CHD6: variants seen among roughly 807,000 people sequenced by gnomAD.
CHD6 encodes the protein chromodomain helicase DNA binding protein 6, also known as ATP-dependent chromatin remodeler CHD6.
CHD6 carries 50 observed loss-of-function variants against 276.9 expected under a neutral mutation model. The ratio of observed to expected loss-of-function variants is 0.18; its 90% CI spans 0.14 to 0.23. The LOEUF (loss-of-function observed/expected upper bound fraction) is 0.23, where lower values mean the gene tolerates loss of function less well. CHD6 is among the 10% of genes least tolerant of loss of function. The pLI is 1.00. For synonymous variants in CHD6, 1,173 were observed against 1,229.3 expected, an observed-to-expected ratio of 0.95 and a Z score of 0.96; for missense variants, 2,564 against 3,365.8, an observed-to-expected ratio of 0.76 and a Z score of 5.89.
chr20:41,447,773 G>GT, intron 24 of CHD6, 109 bp downstream of exon 24: 1 of 673,602 alleles, frequency 1.5e-6, no homozygotes, highest in Admixed American at 2.5e-5. Flanking sequence ...TGGGCAGGGG[G>GT]TAGGAGGAAC....
intron 3 of CHD6, among the ~76,000 whole-genome samples, chr20:41,528,958 G>T (rs1439547034): frequency 6.6e-6 from 1 of 152,138 alleles, no homozygotes; most frequent in Non-Finnish European, 1.5e-5. Context: ...ATAGAAGAGG[G>T]ACCATTTCCT....
chr20:41,549,481 C>T (rs1323214068), intron 2 of CHD6, among the ~76,000 whole-genome samples: 11 of 107,486 alleles, frequency 1.0e-4, no homozygotes, highest in African/African-American at 3.4e-4. Context: ...CATCACACTC[C>T]GGAGACTGTT....
At chr20:41,524,386 G>A (rs531973273) in intron 3 of CHD6, among the ~76,000 whole-genome samples, 2 of 152,198 alleles carry the variant, frequency 1.3e-5, no homozygotes, top group African/African-American at 2.4e-5. Context: ...CCCTTTAACC[G>A]TATCATCAAC....
Position 41,454,646 on chromosome 20 carries a change from T to C in CHD6, c.3100A>G (p.Thr1034Ala). ...TGTACCTTTTCATTCTTTGCTTCAGTGTCTAGTTCAGCTATTTTAGCCCAT... is the reference window on the plus strand; with the variant it reads ...TGTACCTTTTCATTCTTTGCTTCAGCGTCTAGTTCAGCTATTTTAGCCCAT... ...QKWAKIAELD[T>A]EAKNEKESLV... The change falls in exon 20 of 37, where the codon ACT becomes GCT. Residue 1034 changes from threonine (T) to alanine (A), a missense_variant. Thr to Ala is a moderately conservative substitution (Grantham distance 58). Transcript: ENST00000373233. 6.2e-7 allele frequency: 1 copy of C among 1,612,846 alleles called. No homozygotes were observed. The highest frequency in any genetic ancestry group is 8.5e-7 in the Non-Finnish European group (1 of 1,179,226).
At chr20:41,483,553 C>G (rs530203077) in intron 15 of CHD6, 34 bp from the exon 16 acceptor site, 102 of 1,474,570 alleles carry the variant, frequency 6.9e-5, no homozygotes, top group Non-Finnish European at 9.0e-5. Context: ...ATTCCTCGGA[C>G]AGAATATAAG....
At chr20:41,482,565 A>C (rs1429082727) in intron 16 of CHD6, 1 of 512,394 alleles carries the variant, frequency 2.0e-6, no homozygotes, top group South Asian at 1.4e-5. Context: ...AGCAATGCCT[A>C]GGCTACCAGT....
intron 25 of CHD6, among the ~76,000 whole-genome samples, chr20:41,441,678 G>C (rs1054284738): frequency 2.6e-5 from 4 of 151,632 alleles, no homozygotes; most frequent in Admixed American, 6.6e-5. Flanking sequence ...GACAGATTCA[G>C]TATTTTTATT....
At chr20:41,440,578 T>A (rs887902396) in intron 25 of CHD6, among the ~76,000 whole-genome samples, 3 of 152,208 alleles carry the variant, frequency 2.0e-5, no homozygotes, top group Admixed American at 1.3e-4. Flanking sequence ...GATGATTGTT[T>A]ATTGCATTAA....
At chr20:41,483,077 A>G (rs1480158061) in intron 16 of CHD6, among the ~76,000 whole-genome samples, 1 of 152,110 alleles carries the variant, frequency 6.6e-6, no homozygotes. Flanking sequence ...TTTTTTTTTA[A>G]GCAAAGCAAG....
At chr20:41,446,379 AG>A (rs1414057493) in intron 24 of CHD6, among the ~76,000 whole-genome samples, 1 of 152,142 alleles carries the variant, frequency 6.6e-6, no homozygotes, top group African/African-American at 2.4e-5. Context: ...TCCTGGCCAA[AG>A]GGATGCACAT....
intron 1 of CHD6, among the ~76,000 whole-genome samples, chr20:41,552,650 C>T (rs981117987): frequency 1.1e-4 from 16 of 152,184 alleles, no homozygotes; most frequent in African/African-American, 3.6e-4. Flanking sequence ...TCCTTGGGAC[C>T]GCAATTACAG....
chr20:41,450,491 G>A (rs1323862375), intron 23 of CHD6, among the ~76,000 whole-genome samples: 2 of 148,500 alleles, frequency 1.3e-5, no homozygotes, highest in Non-Finnish European at 3.0e-5. Context: ...CATCCCACCC[G>A]ACCCCAGCTG....
intron 1 of CHD6, among the ~76,000 whole-genome samples, chr20:41,591,959 T>C (rs1219665969): frequency 6.6e-6 from 1 of 151,612 alleles, no homozygotes; most frequent in Non-Finnish European, 1.5e-5. Flanking sequence ...ATTAGCCAGG[T>C]GTGGTGGCGT....
chr20:41,448,717 A>C (rs1275091127), intron 23 of CHD6, among the ~76,000 whole-genome samples: 1 of 152,176 alleles, frequency 6.6e-6, no homozygotes, highest in Non-Finnish European at 1.5e-5. Flanking sequence ...GACTATGACA[A>C]AGGGGTAAGG....
intron 34 of CHD6, chr20:41,414,749 A>G: frequency 1.1e-6 from 1 of 871,302 alleles, no homozygotes; most frequent in Non-Finnish European, 1.4e-6. Context: ...GTAGCCCAAT[A>G]TCACCCAGTA....
intron 2 of CHD6, among the ~76,000 whole-genome samples, chr20:41,546,464 C>T (rs958452844): frequency 6.6e-6 from 1 of 152,178 alleles, no homozygotes; most frequent in Admixed American, 6.5e-5. Context: ...TCCCAAAGCC[C>T]TCTTACCCCT....
At position 41,420,734 on chromosome 20, in the gene CHD6, C is replaced by T. The variant is rs768276692; in HGVS notation, c.5901G>A (p.Leu1967=). 6 of 1,614,218 alleles carry T rather than the reference C, an allele frequency of 3.7e-6. No individual in the cohort carries two copies. The highest frequency in any genetic ancestry group is 5.1e-6 in the Non-Finnish European group (6 of 1,180,048). The change falls in exon 31 of 37, where the codon CTG becomes CTA. Residue 1967 remains leucine (L), a synonymous_variant. Coordinates refer to ENST00000373233, the MANE Select transcript of CHD6 (RefSeq NM_032221.5). ...CGATAGTATTGGTTTTACTTTTGAA[C>T]AGATCTGGGATATAAGCCTTGGGTT... is the stretch of plus-strand genomic sequence containing the variant. ...IEKPKAYIPD[L]FKSKTNTIAM... is the part of the protein sequence containing the mutation.
chr20:41,431,776 C>CTTTTTTTTTTTTTTTTTTTTTTTTTTT (rs61227802), intron 27 of CHD6, among the ~76,000 whole-genome samples: 2 of 104,762 alleles, frequency 1.9e-5, no homozygotes, highest in Non-Finnish European at 3.9e-5. Context: ...AAAAAACATG[C>CTTTTTTTTTTTTTTTTTTTTTTTTTTT]TTTTTTTTTT....
intron 1 of CHD6, among the ~76,000 whole-genome samples, chr20:41,610,958 A>T (rs1408340596): frequency 6.6e-6 from 1 of 152,182 alleles, no homozygotes; most frequent in African/African-American, 2.4e-5. Context: ...GTATGAAAGA[A>T]AAAAGCTTCA....
Sources: gnomAD v4.1 joint callset for allele counts (sites outside exome capture counted in the v4.1 genomes callset) on GRCh38, gnomAD v4.1.1 for gene constraint, MANE v1.5 for transcripts, NCBI Gene and HGNC (gene_info 2026-07-23, HGNC 2026-07-21) for gene names.